SLC67A2: variants seen among roughly 807,000 people sequenced by gnomAD.
SLC67A2 encodes solute carrier family 67 member A2.
chr2:102,732,784 G>A, the SLC67A2 span, among the ~76,000 whole-genome samples: 2 of 152,190 alleles, frequency 1.3e-5, no homozygotes, highest in African/African-American at 4.8e-5. Flanking sequence ...AGTGGCTAAT[G>A]TCCTAGGACC....
the SLC67A2 span, among the ~76,000 whole-genome samples, chr2:102,727,611 G>A: frequency 6.6e-6 from 1 of 151,998 alleles, no homozygotes; most frequent in Non-Finnish European, 1.5e-5. Flanking sequence ...TATAAATAAC[G>A]CTACAATAGG....
chr2:102,719,141 C>T, the SLC67A2 span: 51 of 1,614,068 alleles, frequency 3.2e-5, no homozygotes, highest in Non-Finnish European at 3.6e-5. Context: ...ATGGGTCTTT[C>T]GCAATGGCAG....
chr2:102,722,645 A>C, the SLC67A2 span, among the ~76,000 whole-genome samples: 1 of 152,340 alleles, frequency 6.6e-6, no homozygotes, highest in East Asian at 1.9e-4. Context: ...AAATCAACTC[A>C]AAATGGATTA....
chr2:102,732,448 T>A, the SLC67A2 span: 1 of 1,503,562 alleles, frequency 6.7e-7, no homozygotes, highest in South Asian at 1.2e-5. Flanking sequence ...AAATTAGTAT[T>A]TTTCAAACTA....
chr2:102,726,900 G>C, the SLC67A2 span: 30 of 1,613,354 alleles, frequency 1.9e-5, no homozygotes, highest in South Asian at 3.2e-4. Context: ...CTCCGAGAAG[G>C]AGATAGCCCA....
chr2:102,719,132 TG>T, the SLC67A2 span: 16 of 1,614,050 alleles, frequency 9.9e-6, no homozygotes, highest in African/African-American at 1.3e-5. Context: ...CAACAGCACA[TG>T]GGTCTTTCGC....
chr2:102,726,931 G>A, the SLC67A2 span: 5 of 1,613,428 alleles, frequency 3.1e-6, no homozygotes, highest in African/African-American at 4.0e-5. Flanking sequence ...TAGAATGCAT[G>A]CCAGCAAGGA....
the SLC67A2 span, among the ~76,000 whole-genome samples, chr2:102,721,806 A>G: frequency 6.6e-6 from 1 of 152,068 alleles, no homozygotes; most frequent in African/African-American, 2.4e-5. Context: ...CTGGGCTCAA[A>G]CAATCCTCCT....
At chr2:102,725,882 C>T in the SLC67A2 span, among the ~76,000 whole-genome samples, 6 of 152,030 alleles carry the variant, frequency 3.9e-5, no homozygotes, top group Admixed American at 1.3e-4. Flanking sequence ...TAACAAAACT[C>T]GAGATGGTGC....
chr2:102,718,942 C>T, the SLC67A2 span: 2 of 1,614,260 alleles, frequency 1.2e-6, no homozygotes, highest in East Asian at 2.2e-5. Context: ...TACTGTAGTA[C>T]AGCATGACTG....
At chr2:102,724,333 G>T in the SLC67A2 span, among the ~76,000 whole-genome samples, 1 of 152,148 alleles carries the variant, frequency 6.6e-6, no homozygotes, top group African/African-American at 2.4e-5. Flanking sequence ...CCAGCCCTAA[G>T]GTTGACCCTG....
chr2:102,727,014 G>A, the SLC67A2 span: 9 of 1,603,458 alleles, frequency 5.6e-6, no homozygotes, highest in Non-Finnish European at 7.7e-6. Flanking sequence ...CCCATTCACA[G>A]TAACGACTAC....
At chr2:102,731,823 T>C in the SLC67A2 span, among the ~76,000 whole-genome samples, 1 of 152,240 alleles carries the variant, frequency 6.6e-6, no homozygotes, top group Non-Finnish European at 1.5e-5. Context: ...CAATGACTTC[T>C]GGATGGAATT....
At chr2:102,715,443 A>G in the SLC67A2 span, among the ~76,000 whole-genome samples, 1 of 151,552 alleles carries the variant, frequency 6.6e-6, no homozygotes, top group Non-Finnish European at 1.5e-5. Context: ...CCCAGGTGCA[A>G]CTCTTGCAGA....
At chr2:102,718,551 C>T in the SLC67A2 span, 18 of 1,612,674 alleles carry the variant, frequency 1.1e-5, no homozygotes, top group Admixed American at 3.0e-4. Context: ...TCCTGGGCAA[C>T]CCCCGAGAGG....
the SLC67A2 span, among the ~76,000 whole-genome samples, chr2:102,728,649 C>G: frequency 1.3e-5 from 2 of 152,060 alleles, no homozygotes; most frequent in East Asian, 3.9e-4. Flanking sequence ...GGTTACTGGC[C>G]TCCTTGTACT....
At chr2:102,729,272 T>G in the SLC67A2 span, among the ~76,000 whole-genome samples, 1 of 152,112 alleles carries the variant, frequency 6.6e-6, no homozygotes, top group Non-Finnish European at 1.5e-5. Context: ...AGAGTCATAG[T>G]TAGCAATAAA....
chr2:102,732,575 A>C, the SLC67A2 span: 1 of 584,332 alleles, frequency 1.7e-6, no homozygotes, highest in African/African-American at 1.9e-5. Flanking sequence ...GCCACTTGCA[A>C]ATGCCTGGAT....
At chr2:102,718,746 G>A in the SLC67A2 span, 1 of 1,613,850 alleles carries the variant, frequency 6.2e-7, no homozygotes, top group Non-Finnish European at 8.5e-7. Context: ...AAGGAGTAGA[G>A]CAGCAGCAGT....
Sources: gnomAD v4.1 joint callset for allele counts (sites outside exome capture counted in the v4.1 genomes callset) on GRCh38, gnomAD v4.1.1 for gene constraint, MANE v1.5 for transcripts, NCBI Gene and HGNC (gene_info 2026-07-23, HGNC 2026-07-21) for gene names.